Variants in HCRTR2 observed in about 807,000 individuals in gnomAD.
HCRTR2 encodes the protein orexin receptor type 2.
Under a neutral mutation model 49.0 loss-of-function variants are expected in HCRTR2, and 22 were observed. The observed-to-expected ratio is 0.45, with a 90% CI of 0.32 to 0.64. The LOEUF is 0.64. Among genes scored for constraint, HCRTR2 ranks in the 30% least tolerant of loss-of-function variants. The probability of loss-of-function intolerance (pLI) is 0.04; values close to 1 mark genes in which losing one functional copy is unlikely to be tolerated. For missense variants in HCRTR2, 491 were observed against 559.4 expected, an observed-to-expected ratio of 0.88 and a Z score of 1.23; for synonymous variants, 236 against 205.3, an observed-to-expected ratio of 1.15 and a Z score of -1.28.
chr6:55,232,465 C>T (rs557977327), intron 1 of HCRTR2, among the ~76,000 whole-genome samples: 33 of 152,134 alleles, frequency 2.2e-4, no homozygotes, highest in Middle Eastern at 3.4e-3. Context: ...TAACTTTCTC[C>T]GACATGTTGT....
intron 1 of HCRTR2, among the ~76,000 whole-genome samples, chr6:55,125,057 T>C (rs1483932927): frequency 6.6e-6 from 1 of 152,146 alleles, no homozygotes; most frequent in Non-Finnish European, 1.5e-5. Flanking sequence ...GGGTCTTGAC[T>C]CTTTATCCAA....
At chr6:55,200,453 A>T (rs182421750) in intron 1 of HCRTR2, among the ~76,000 whole-genome samples, 1 of 152,102 alleles carries the variant, frequency 6.6e-6, no homozygotes, top group African/African-American at 2.4e-5. Context: ...TTTAGTAGAG[A>T]TGGGGTTTCA....
At chr6:55,196,817 T>A (rs1399409478) in intron 1 of HCRTR2, among the ~76,000 whole-genome samples, 1 of 152,178 alleles carries the variant, frequency 6.6e-6, no homozygotes, top group Non-Finnish European at 1.5e-5. Flanking sequence ...GACAGATTGT[T>A]CTTCTCTAAA....
intron 1 of HCRTR2, among the ~76,000 whole-genome samples, chr6:55,159,599 AGAGT>A (rs1279598958): frequency 6.6e-6 from 1 of 152,222 alleles, no homozygotes; most frequent in African/African-American, 2.4e-5. Flanking sequence ...AAAAATGGTT[AGAGT>A]AATTGCTAAC....
chr6:55,262,046 T>C (rs965321526), intron 3 of HCRTR2, among the ~76,000 whole-genome samples: 1 of 151,888 alleles, frequency 6.6e-6, no homozygotes, highest in African/African-American at 2.4e-5. Context: ...AAACAACATA[T>C]GTTCTCACTC....
intron 1 of HCRTR2, among the ~76,000 whole-genome samples, chr6:55,161,480 G>A (rs571360059): frequency 2.0e-5 from 3 of 152,094 alleles, no homozygotes; most frequent in African/African-American, 7.2e-5. Flanking sequence ...AAATAACTAA[G>A]ATGAGAGCAG....
At chr6:55,283,720 G>T (rs1161685176), downstream of HCRTR2, among the ~76,000 whole-genome samples, 1 of 152,116 alleles carries the variant, frequency 6.6e-6, no homozygotes, top group Non-Finnish European at 1.5e-5. Flanking sequence ...ATGGTAACAG[G>T]TGTTCTGATT....
chr6:55,196,802 C>T (rs1765425087), intron 1 of HCRTR2, among the ~76,000 whole-genome samples: 1 of 152,174 alleles, frequency 6.6e-6, no homozygotes, highest in African/African-American at 2.4e-5. Context: ...ATAGTTTACA[C>T]TTCTGACAGA....
At chr6:55,241,017 C>T (rs1377056287) in intron 1 of HCRTR2, among the ~76,000 whole-genome samples, 3 of 151,200 alleles carry the variant, frequency 2.0e-5, no homozygotes, top group African/African-American at 7.3e-5. Flanking sequence ...TACATGTGCA[C>T]AATGTGCAGG....
At chr6:55,119,070 G>A (rs1223440307) in intron 1 of HCRTR2, among the ~76,000 whole-genome samples, 1 of 151,944 alleles carries the variant, frequency 6.6e-6, no homozygotes, top group Non-Finnish European at 1.5e-5. Context: ...AGTTTACTGA[G>A]AATGATGGTT....
intron 4 of HCRTR2, among the ~76,000 whole-genome samples, chr6:55,272,722 G>A (rs1236707617): frequency 6.6e-6 from 1 of 151,090 alleles, no homozygotes; most frequent in Non-Finnish European, 1.5e-5. Flanking sequence ...TGTTTTATCT[G>A]TACTTTCTGA....
chr6:55,142,471 T>C (rs1224027095), intron 1 of HCRTR2, among the ~76,000 whole-genome samples: 1 of 151,542 alleles, frequency 6.6e-6, no homozygotes, highest in Non-Finnish European at 1.5e-5. Flanking sequence ...GCCTCTAAAG[T>C]GCTGGGATTA....
intron 1 of HCRTR2, among the ~76,000 whole-genome samples, chr6:55,185,600 G>A (rs2127275306): frequency 6.6e-6 from 1 of 152,254 alleles, no homozygotes; most frequent in East Asian, 1.9e-4. Flanking sequence ...TTTTCATGCA[G>A]GATTAAGAAA....
intron 2 of HCRTR2, among the ~76,000 whole-genome samples, chr6:55,253,455 T>C (rs1003506347): frequency 6.6e-6 from 1 of 152,150 alleles, no homozygotes; most frequent in Non-Finnish European, 1.5e-5. Flanking sequence ...CCACATATTA[T>C]GAGATCAATA....
chr6:55,276,270 A>G (rs1767075014), intron 4 of HCRTR2, among the ~76,000 whole-genome samples: 1 of 152,210 alleles, frequency 6.6e-6, no homozygotes, highest in Non-Finnish European at 1.5e-5. Flanking sequence ...TTGCCTCTTC[A>G]AGAAAGAAAA....
At chr6:55,209,951 A>T (rs1239995500) in intron 1 of HCRTR2, among the ~76,000 whole-genome samples, 1 of 152,172 alleles carries the variant, frequency 6.6e-6, no homozygotes, top group Non-Finnish European at 1.5e-5. Flanking sequence ...GAGCTCCTGC[A>T]TAGAGCTTAT....
chr6:55,129,065 G>A (rs1347802305), intron 1 of HCRTR2, among the ~76,000 whole-genome samples: 1 of 151,978 alleles, frequency 6.6e-6, no homozygotes, highest in African/African-American at 2.4e-5. Context: ...TCGTCTCTTT[G>A]TCAGCCTAAA....
chr6:55,237,882 G>C (rs1766244219), intron 1 of HCRTR2, among the ~76,000 whole-genome samples: 2 of 152,168 alleles, frequency 1.3e-5, no homozygotes, highest in Admixed American at 6.5e-5. Context: ...TCTCAACCAG[G>C]AGTATGTGGT....
chr6:55,139,203 T>A (rs926742369), intron 1 of HCRTR2, among the ~76,000 whole-genome samples: 1 of 152,138 alleles, frequency 6.6e-6, no homozygotes, highest in Non-Finnish European at 1.5e-5. Context: ...TAGGTCAGAA[T>A]GAAAATTGTG....
Sources: gnomAD v4.1 joint callset for allele counts (sites outside exome capture counted in the v4.1 genomes callset) on GRCh38, gnomAD v4.1.1 for gene constraint, MANE v1.5 for transcripts, NCBI Gene and HGNC (gene_info 2026-07-23, HGNC 2026-07-21) for gene names.